Variants in ARMC2 observed in about 807,000 individuals in gnomAD.
The protein encoded by ARMC2 is armadillo repeat containing 2, also known as armadillo repeat-containing protein 2.
A neutral mutation model predicts 90.3 loss-of-function variants in ARMC2; 67 were observed. The ratio of observed to expected loss-of-function variants is 0.74; its 90% CI spans 0.61 to 0.91. The LOEUF (loss-of-function observed/expected upper bound fraction) is 0.91. Among genes scored for constraint, ARMC2 ranks in the 40% least tolerant of loss-of-function variants. The probability of loss-of-function intolerance (pLI) is 0.00; values close to 1 mark genes in which losing one functional copy is unlikely to be tolerated. For missense variants in ARMC2, 920 were observed against 1,030.9 expected, an observed-to-expected ratio of 0.89 and a Z score of 1.47; for synonymous variants, 393 against 393.0, an observed-to-expected ratio of 1.00 and a Z score of 0.00.
At chr6:108,858,310 T>C in intron 3 of ARMC2, 39 bp downstream of exon 3, 20 of 1,522,096 alleles carry the variant, frequency 1.3e-5, no homozygotes, top group Non-Finnish European at 1.7e-5. Context: ...TTATATTATG[T>C]TGTGAAATGA....
the ARMC2 span, among the ~76,000 whole-genome samples, chr6:109,040,684 G>A: frequency 6.8e-6 from 1 of 145,990 alleles, no homozygotes; most frequent in Non-Finnish European, 1.5e-5. Flanking sequence ...AGACAGTCTC[G>A]CTCTGTCGCC....
intron 10 of ARMC2, among the ~76,000 whole-genome samples, chr6:108,926,562 TA>T (rs978695367): frequency 5.3e-5 from 8 of 152,068 alleles, no homozygotes; most frequent in Non-Finnish European, 1.2e-4. Flanking sequence ...TTGTCTTTAC[TA>T]AAAATACAAA....
chr6:108,930,556 G>C (rs1395418020), intron 11 of ARMC2, among the ~76,000 whole-genome samples: 1 of 145,158 alleles, frequency 6.9e-6, no homozygotes, highest in Admixed American at 6.8e-5. Context: ...TTTCTCATTA[G>C]TGGGTATTAA....
At chr6:108,937,643 A>G (rs1213087768) in intron 12 of ARMC2, among the ~76,000 whole-genome samples, 4 of 152,230 alleles carry the variant, frequency 2.6e-5, no homozygotes, top group Admixed American at 6.5e-5. Flanking sequence ...AGAACTTACA[A>G]ACGATTTCTC....
chr6:109,036,308 G>A, the ARMC2 span, among the ~76,000 whole-genome samples: 6 of 152,176 alleles, frequency 3.9e-5, no homozygotes, highest in East Asian at 3.8e-4. Context: ...TTGGCTTTAC[G>A]ATTTGTCTGA....
At position 108,950,995 on chromosome 6, in the gene ARMC2, A is replaced by G. The variant is rs138563693; in HGVS notation, c.1597-2038A>G. On this transcript the variant is annotated intron_variant, in intron 12 of 17. Transcript: ENST00000392644. ...ATTGCTATTAGTTAGCATTTTATTG[A>G]TAGGACATGAAAAGAGTTCACAGAA... 4.6e-5 allele frequency among the ~76,000 whole-genome samples: 7 copies of G among 152,274 alleles called. No individual in the cohort carries two copies. In the East Asian group the frequency reaches 1.4e-3, roughly 29 times the overall value.
intron 10 of ARMC2, chr6:108,923,134 T>A (rs1340143015): frequency 4.6e-5 from 7 of 152,224 alleles, no homozygotes; most frequent in African/African-American, 1.7e-4. Flanking sequence ...GTGCTATTTC[T>A]TGGTGAAATG....
downstream of ARMC2, among the ~76,000 whole-genome samples, chr6:108,975,025 A>G (rs1484134867): frequency 6.6e-6 from 1 of 150,748 alleles, no homozygotes; most frequent in Non-Finnish European, 1.5e-5. Context: ...TAATTATTAT[A>G]CTTTAAGTTC....
At position 108,863,321 on chromosome 6, in the gene ARMC2, G is replaced by T. The variant is rs576598963; in HGVS notation, c.291+5050G>T. On this transcript the variant is annotated intron_variant, in intron 3 of 17. Coordinates refer to ENST00000392644, the MANE Select transcript of ARMC2 (RefSeq NM_032131.6). The stretch of plus-strand genomic sequence containing the variant: ...TGGTCTCAAACCCCTAGCCTCAAGT[G>T]ATCCCCCCACCTTGGCCTCCTAGAG... 4.2e-4 allele frequency among the ~76,000 whole-genome samples: 64 copies of T among 152,198 alleles called. 1 individual carries two copies. Among genetic ancestry groups the T allele is most frequent in the African/African-American group, 1.4e-3 (58 of 41,528 alleles).
At chr6:108,920,518 C>T (rs949235354) in intron 10 of ARMC2, among the ~76,000 whole-genome samples, 1 of 152,140 alleles carries the variant, frequency 6.6e-6, no homozygotes, top group African/African-American at 2.4e-5. Flanking sequence ...CTTCCCTTTC[C>T]TAGGAAGGAG....
intron 17 of ARMC2, among the ~76,000 whole-genome samples, chr6:108,971,605 A>G (rs1188658520): frequency 1.3e-5 from 2 of 152,114 alleles, no homozygotes; most frequent in African/African-American, 4.8e-5. Flanking sequence ...ATTTTGTAAT[A>G]GGATTTTCAT....
intron 12 of ARMC2, among the ~76,000 whole-genome samples, chr6:108,937,755 C>T (rs752654989): frequency 3.9e-5 from 6 of 152,050 alleles, no homozygotes; most frequent in African/African-American, 7.2e-5. Context: ...AGTGCAGTGG[C>T]GATATCTTGG....
intron 13 of ARMC2, among the ~76,000 whole-genome samples, chr6:108,957,614 C>T (rs1777693851): frequency 6.6e-6 from 1 of 152,136 alleles, no homozygotes; most frequent in African/African-American, 2.4e-5. Flanking sequence ...GGAAGGGCAT[C>T]CCTTAGGCTC....
chr6:108,942,285 TTCTTC>T (rs1160398150), intron 12 of ARMC2, among the ~76,000 whole-genome samples: 1 of 152,220 alleles, frequency 6.6e-6, no homozygotes, highest in Admixed American at 6.5e-5. Context: ...AATATGTACT[TTCTTC>T]TTCCTAGTTT....
intron 15 of ARMC2, among the ~76,000 whole-genome samples, chr6:108,962,836 C>A (rs1341167920): frequency 3.3e-5 from 5 of 152,030 alleles, no homozygotes; most frequent in Non-Finnish European, 7.4e-5. Flanking sequence ...GAGAACCTGT[C>A]TCTACAAAAA....
chr6:108,937,044 A>C, intron 12 of ARMC2, 45 bp downstream of exon 12: 1 of 1,454,108 alleles, frequency 6.9e-7, no homozygotes, highest in Non-Finnish European at 9.4e-7. Context: ...CTTTACACTA[A>C]TGTGTTTGTG....
the ARMC2 span, among the ~76,000 whole-genome samples, chr6:108,984,557 A>G: frequency 6.6e-6 from 1 of 152,222 alleles, no homozygotes; most frequent in Non-Finnish European, 1.5e-5. Context: ...ATTGAGGATT[A>G]CATTTCAGCA....
In ARMC2 at chr6:108,900,359, G is replaced by A. The variant is rs186244567; in HGVS notation, c.847+567G>A. Among the ~76,000 whole-genome samples, 634 of 152,288 alleles carry A rather than the reference G, an allele frequency of 4.2e-3. 1 individual carries two copies. The highest frequency in any genetic ancestry group is 6.3e-3 in the Non-Finnish European group (429 of 68,020). ...CCCACCATCGATGGGTCCCTGCAAG[G>A]GTAGGGAAAGCGTGTCATGGGATGG... On this transcript the variant is annotated intron_variant, in intron 7 of 17. Coordinates refer to ENST00000392644, the MANE Select transcript of ARMC2 (RefSeq NM_032131.6).
chr6:108,973,363 A>G lies in ARMC2; in HGVS notation c.2453A>G (p.Glu818Gly). 3 of 1,612,098 alleles carry G rather than the reference A, an allele frequency of 1.9e-6. No individual in the cohort carries two copies. The highest frequency in any genetic ancestry group is 2.5e-6 in the Non-Finnish European group (3 of 1,178,708). The part of the protein sequence containing the change: ...LLLLSSFLDE[E>G]LALDGSFDPD... ...TTAAATTTTTCTAATACAGATGAAG[A>G]ACTAGCACTGGATGGCAGTTTTGAT... Residue 818 changes from glutamate (E) to glycine (G), a missense_variant, in exon 18 of 18, where the codon GAA becomes GGA. Physicochemically the swap from Glu to Gly is moderately conservative, Grantham distance 98. Coordinates refer to ENST00000392644, the MANE Select transcript of ARMC2 (RefSeq NM_032131.6).
Sources: gnomAD v4.1 joint callset for allele counts (sites outside exome capture counted in the v4.1 genomes callset) on GRCh38, gnomAD v4.1.1 for gene constraint, MANE v1.5 for transcripts, NCBI Gene and HGNC (gene_info 2026-07-23, HGNC 2026-07-21) for gene names.